Variants in NBPF14 observed in about 807,000 individuals in gnomAD.
NBPF14 encodes the protein NBPF member 14.
NBPF14 carries 104 observed loss-of-function variants against 91.2 expected under a neutral mutation model. The ratio of observed to expected loss-of-function variants is 1.14; its 90% confidence interval spans 0.97 to 1.34. The LOEUF is 1.34. NBPF14 is among the 40% of genes most tolerant of loss of function. NBPF14 has a pLI of 0.00. For synonymous variants in NBPF14, 294 were observed against 303.8 expected (o/e 0.97, Z 0.34); for missense variants, 908 against 783.0 (o/e 1.16, Z -1.91).
chr1:148,565,800 G>T (rs1658159028), intron 29 of NBPF14, among the ~76,000 whole-genome samples: 1 of 14,866 alleles, frequency 6.7e-5, no homozygotes, highest in East Asian at 2.5e-3. Context: ...ATGGTTGTGA[G>T]GACATTAGAC....
chr1:148,585,195 T>C, exon 10 of NBPF14: 1 of 1,585,186 alleles, frequency 6.3e-7, no homozygotes, highest in South Asian at 1.1e-5. Flanking sequence ...AACATCTTCA[T>C]CGTCATCGTT....
chr1:148,571,345 A>ACT (rs1659146799), intron 22 of NBPF14, among the ~76,000 whole-genome samples: 1 of 60,180 alleles, frequency 1.7e-5, no homozygotes, highest in Non-Finnish European at 2.8e-5. Context: ...GTAACAGGAC[A>ACT]CTCTGAGTTA....
chr1:148,591,454 C>G, exon 5 of NBPF14: 1 of 1,608,108 alleles, frequency 6.2e-7, no homozygotes, highest in Non-Finnish European at 8.5e-7. Flanking sequence ...GATTCCAGTA[C>G]TTTCTCAGCC....
At chr1:148,534,463 A>C (rs1384288982) in intron 69 of NBPF14, among the ~76,000 whole-genome samples, 23 of 151,838 alleles carry the variant, frequency 1.5e-4, no homozygotes, top group Non-Finnish European at 2.9e-4. Flanking sequence ...TCAGGGCGCC[A>C]CAGGTATGGC....
At chr1:148,585,336 A>G in intron 9 of NBPF14, 123 bp from the exon 10 acceptor site, 1 of 639,650 alleles carries the variant, frequency 1.6e-6, no homozygotes, top group Non-Finnish European at 2.8e-6. Flanking sequence ...GAAAACTCTC[A>G]TGTTTTATCT....
rs1659997438 is a variant in NBPF14, at chr1:148,577,175, G to T, written c.2026+8C>A. The T allele has an allele frequency of 8.2e-6, 5 of 611,598 alleles. No homozygotes were observed. The highest frequency in any genetic ancestry group is 1.4e-5 in the Non-Finnish European group (5 of 344,914). The allele number at this position is 611,598 out of a possible 1,614,324, so 37.9% of individuals were successfully genotyped here. A position where few individuals can be genotyped will look rare whatever the true frequency, so the allele number is the denominator to read the frequency against. On this transcript the variant is annotated splice_region_variant and intron_variant, in intron 15 of 70. Coordinates refer to ENST00000619423, the Ensembl canonical transcript of NBPF14. ...GGATCCTTATCACCTTCATAGAAAG[G>T]TACTCACCATCCATGTCAACAGCCA...
In NBPF14 at chr1:148,533,814, T is replaced by G. The variant is rs1333728242; in HGVS notation, c.8723+47A>C. On this transcript the variant is annotated intron_variant, in intron 70 of 70. Coordinates refer to ENST00000619423, the Ensembl canonical transcript of NBPF14. ...CTCTGGTTTCCCTGAATCTGTTGCC[T>G]CCAGGAGTTAACACAGAACTAAGGA... is the stretch of plus-strand genomic sequence containing the variant. 2.5e-5 allele frequency: 19 copies of G among 768,480 alleles called. 2 individuals carry two copies. The highest frequency in any genetic ancestry group is 2.2e-4 in the Admixed American group (13 of 58,492). The allele number at this position is 768,480 out of a possible 1,614,324, so 47.6% of individuals were successfully genotyped here. A position where few individuals can be genotyped will look rare whatever the true frequency, so the allele number is the denominator to read the frequency against.
At chr1:148,535,096 C>G (rs1278038517) in intron 68 of NBPF14, among the ~76,000 whole-genome samples, 3 of 145,668 alleles carry the variant, frequency 2.1e-5, no homozygotes, top group Non-Finnish European at 4.5e-5. Context: ...GCGAATTGGC[C>G]GGGTGACACA....
intron 70 of NBPF14, among the ~76,000 whole-genome samples, 196 bp from the exon 71 acceptor site, chr1:148,533,444 C>A (rs1185918192): frequency 6.7e-6 from 1 of 149,214 alleles, no homozygotes; most frequent in Admixed American, 6.7e-5. Flanking sequence ...AAGAGAAAGA[C>A]AGAGAGAGAG....
At chr1:148,576,016 A>G (rs1659639420) in intron 16 of NBPF14, among the ~76,000 whole-genome samples, 1 of 147,672 alleles carries the variant, frequency 6.8e-6, no homozygotes, top group Non-Finnish European at 1.5e-5. Flanking sequence ...AGAGGGAGAG[A>G]GAGAGAGAGA....
chr1:148,533,373 G>C (rs1285423796), intron 70 of NBPF14, 125 bp from the exon 71 acceptor site: 2 of 537,662 alleles, frequency 3.7e-6, no homozygotes, highest in Non-Finnish European at 6.5e-6. Flanking sequence ...CATTAATGAG[G>C]TAAAAAAAAA....
chr1:148,586,944 GCAGT>G (rs1246293685), intron 8 of NBPF14, among the ~76,000 whole-genome samples: 1 of 144,780 alleles, frequency 6.9e-6, no homozygotes, highest in African/African-American at 2.5e-5. Context: ...ATGAGAAGCC[GCAGT>G]CAGTCAGGAG....
intron 40 of NBPF14, among the ~76,000 whole-genome samples, chr1:148,557,127 G>A (rs1656737783): frequency 8.1e-6 from 1 of 123,520 alleles, no homozygotes; most frequent in East Asian, 2.6e-4. Flanking sequence ...TTGTCCAGGT[G>A]ACACACTGAT....
chr1:148,540,031 T>C, intron 62 of NBPF14, 148 bp downstream of exon 62: 1 of 504 alleles, frequency 2.0e-3, no homozygotes, highest in Non-Finnish European at 5.7e-3. Flanking sequence ...AACCTAAACA[T>C]CTACTGCAAT....
rs1467438024 is a variant in NBPF14 at position 148,566,334 on chromosome 1, G to A, written c.3543-19C>T. The A allele has an allele frequency of 2.2e-5, 17 of 776,680 alleles. 4 individuals carry two copies. The highest frequency in any genetic ancestry group is 8.3e-5 in the East Asian group (3 of 35,980). 48.1% of individuals were successfully genotyped at this position (776,680 alleles called of 1,614,324 possible). On this transcript the variant is annotated intron_variant, in intron 28 of 70. Coordinates refer to ENST00000619423, the Ensembl canonical transcript of NBPF14. ...GCTGAGCCTGGAAAAGGAGGAAAAG[G>A]TAAAGAATAAGCCAGGGGAAATCAG... is the stretch of plus-strand genomic sequence containing the variant.
chr1:148,569,152 G>A, intron 25 of NBPF14, 103 bp downstream of exon 25: 2 of 221,072 alleles, frequency 9.0e-6, no homozygotes, highest in Non-Finnish European at 1.4e-5. Context: ...TCCTCCCTGT[G>A]GCAATGACAC....
chr1:148,557,059 GACACAC>G lies in NBPF14; in HGVS notation c.5007-203_5007-198del, dbSNP rs1227105845. 1.5e-4 allele frequency among the ~76,000 whole-genome samples: 18 copies of G among 118,638 alleles called. 2 individuals are homozygous for G. The highest frequency in any genetic ancestry group is 5.0e-4 in the Admixed American group (6 of 12,114). The allele number at this position is 118,638 out of a possible 152,430, so 77.8% of individuals were successfully genotyped here. A position where few individuals can be genotyped will look rare whatever the true frequency, so the allele number is the denominator to read the frequency against. ...AAAGAATGAAAGAGAAAGACAGATA[GACACAC>G]ACACACACACACACACACACACAGA... is the stretch of plus-strand genomic sequence containing the variant. On this transcript the variant is annotated intron_variant, in intron 40 of 70. Transcript: ENST00000619423.
intron 43 of NBPF14, among the ~76,000 whole-genome samples, chr1:148,554,860 C>T (rs1346866484): frequency 6.8e-6 from 1 of 147,462 alleles, no homozygotes; most frequent in Non-Finnish European, 1.5e-5. Context: ...ATTAGGGCGC[C>T]ACAGGCATGG....
In NBPF14 at chr1:148,561,754, G is replaced by C. The variant is rs1433707214; in HGVS notation, c.4275-175C>G. 1.2e-4 allele frequency among the ~76,000 whole-genome samples: 13 copies of C among 112,746 alleles called. 1 individual carries two copies. In the East Asian group the frequency reaches 3.0e-3, roughly 26 times the overall value. 74.0% of individuals were successfully genotyped at this position (112,746 alleles called of 152,430 possible). The stretch of plus-strand genomic sequence containing the variant: ...GGACAGAACAGGGCCAAATGGAAAA[G>C]AATGAAAGAGAAAGACAGATAGACA... On this transcript the variant is annotated intron_variant, in intron 34 of 70. Coordinates refer to ENST00000619423, the Ensembl canonical transcript of NBPF14.
Sources: allele counts gnomAD v4.1 joint callset (sites outside exome capture counted in the v4.1 genomes callset), GRCh38; gene constraint gnomAD v4.1.1; transcripts MANE v1.5; gene names NCBI Gene and HGNC (gene_info 2026-07-23, HGNC 2026-07-21).